PEMT: variants seen among roughly 807,000 people sequenced by gnomAD.
PEMT encodes phosphatidylethanolamine N-methyltransferase.
A neutral mutation model predicts 27.4 loss-of-function variants in PEMT; 23 were observed. The ratio of observed to expected loss-of-function variants is 0.84; its 90% CI spans 0.60 to 1.19. The LOEUF (loss-of-function observed/expected upper bound fraction) is 1.19. Ranked by LOEUF, PEMT falls within the 50% of genes most tolerant of loss-of-function variation. The probability of loss-of-function intolerance (pLI) is 0.00; values close to 1 mark genes in which losing one functional copy is unlikely to be tolerated. For missense variants in PEMT, 307 were observed against 310.1 expected, an observed-to-expected ratio of 0.99 and a Z score of 0.07; for synonymous variants, 137 against 139.1, an observed-to-expected ratio of 0.98 and a Z score of 0.11.
At chr17:17,592,058 G>A, upstream of PEMT, 6 of 985,078 alleles carry the variant, frequency 6.1e-6, no homozygotes, top group Non-Finnish European at 7.2e-6. Context: ...AGCCTCCTGC[G>A]GACTTGGACT....
At chr17:17,516,613 G>A (rs915830735) in intron 3 of PEMT, among the ~76,000 whole-genome samples, 6 of 152,184 alleles carry the variant, frequency 3.9e-5, no homozygotes, top group African/African-American at 1.4e-4. Context: ...ATCCCAGGCT[G>A]ACACCCACTC....
chr17:17,591,492 C>T (rs1054111479), intron 1 of PEMT, 39 bp downstream of exon 1: 4 of 1,527,058 alleles, frequency 2.6e-6, no homozygotes, highest in Non-Finnish European at 3.6e-6. Flanking sequence ...CTTGCAGATC[C>T]CTCTCCCAGT....
intron 3 of PEMT, among the ~76,000 whole-genome samples, chr17:17,515,659 C>T (rs1906770697): frequency 1.3e-5 from 2 of 152,122 alleles, no homozygotes; most frequent in African/African-American, 2.4e-5. Context: ...ATTAGGCAAT[C>T]GACAGTGTTC....
At chr17:17,549,679 A>G (rs1909512516) in intron 2 of PEMT, among the ~76,000 whole-genome samples, 1 of 152,230 alleles carries the variant, frequency 6.6e-6, no homozygotes, top group Non-Finnish European at 1.5e-5. Context: ...AAAACAGCAC[A>G]GGGCAGGCCT....
chr17:17,518,264 G>T, intron 3 of PEMT: 1 of 565,470 alleles, frequency 1.8e-6, no homozygotes, highest in Non-Finnish European at 2.2e-6. Flanking sequence ...GCCCGTTCGA[G>T]CCCTGCCTGG....
intron 1 of PEMT, among the ~76,000 whole-genome samples, chr17:17,583,853 A>T (rs904346764): frequency 6.6e-6 from 1 of 152,206 alleles, no homozygotes; most frequent in African/African-American, 2.4e-5. Context: ...TCATGGCAGG[A>T]GGGGTGGAAG....
At chr17:17,564,505 A>T (rs1264463796) in intron 2 of PEMT, among the ~76,000 whole-genome samples, 1 of 152,114 alleles carries the variant, frequency 6.6e-6, no homozygotes, top group Non-Finnish European at 1.5e-5. Flanking sequence ...CCAAGTTTAC[A>T]CAGCAGGGCG....
In PEMT at chr17:17,582,393, A is replaced by C. The variant is rs1912023894; in HGVS notation, c.97-5366T>G. On this transcript the variant is annotated intron_variant, in intron 1 of 6. Transcript: ENST00000255389. This position sits in a 1 kb window ranked among gnomAD's most constrained non-coding sequence, Gnocchi z 4.9. ...GGCTTTATGGTAATTTACTCCATTG[A>C]GGGGTGCAGGGTTCTCGGGAGCAGC... The C allele has an allele frequency of 1.0e-6, 1 of 985,332 alleles. No homozygotes were observed. The highest frequency in any genetic ancestry group is 6.1e-5 in the Admixed American group (1 of 16,276). 61.0% of individuals were successfully genotyped at this position (985,332 alleles called of 1,614,324 possible).
At chr17:17,562,639 T>C (rs1173384620) in intron 2 of PEMT, among the ~76,000 whole-genome samples, 2 of 152,030 alleles carry the variant, frequency 1.3e-5, no homozygotes, top group African/African-American at 2.4e-5. Flanking sequence ...TGAAACCTTG[T>C]CTCTACTAAA....
chr17:17,572,961 G>A (rs1445066443), intron 2 of PEMT, among the ~76,000 whole-genome samples: 1 of 151,938 alleles, frequency 6.6e-6, no homozygotes, highest in Non-Finnish European at 1.5e-5. Context: ...GGCCAACGCG[G>A]GCAGATCACC....
intron 2 of PEMT, among the ~76,000 whole-genome samples, chr17:17,564,585 G>C (rs1257484737): frequency 6.6e-6 from 1 of 152,072 alleles, no homozygotes; most frequent in African/African-American, 2.4e-5. Context: ...AGCAACATCC[G>C]GCCAGCTCAC....
chr17:17,540,089 A>G (rs978581459), intron 2 of PEMT, among the ~76,000 whole-genome samples: 3 of 152,144 alleles, frequency 2.0e-5, no homozygotes, highest in African/African-American at 7.2e-5. Flanking sequence ...CCTGGAAGCA[A>G]CGCCCCAAGG....
intron 2 of PEMT, among the ~76,000 whole-genome samples, chr17:17,546,849 G>T (rs995828124): frequency 2.0e-5 from 3 of 152,262 alleles, no homozygotes; most frequent in Non-Finnish European, 4.4e-5. Context: ...CTTCACAGCT[G>T]CAGTCAAAGC....
chr17:17,586,234 AAGAAAG>A (rs1912261513), intron 1 of PEMT, among the ~76,000 whole-genome samples: 1 of 93,804 alleles, frequency 1.1e-5, no homozygotes, highest in Non-Finnish European at 2.0e-5. Context: ...GAAAGAAAGA[AAGAAAG>A]AAAGAAAGAA....
chr17:17,546,219 CAGG>C (rs1339869215), intron 2 of PEMT, among the ~76,000 whole-genome samples: 2 of 152,222 alleles, frequency 1.3e-5, no homozygotes, highest in East Asian at 1.9e-4. Flanking sequence ...CCATCACTAA[CAGG>C]AGAAGAAAGG....
intron 2 of PEMT, among the ~76,000 whole-genome samples, chr17:17,567,169 C>T (rs1910881520): frequency 6.6e-6 from 1 of 152,338 alleles, no homozygotes; most frequent in African/African-American, 2.4e-5. Flanking sequence ...TGGAAGAGAT[C>T]GGCTCAGTGG....
At chr17:17,591,751 C>T (rs1468548369), upstream of PEMT, 9 of 1,456,358 alleles carry the variant, frequency 6.2e-6, no homozygotes, top group Admixed American at 2.7e-5. Context: ...CAACATATTC[C>T]GGCCTTCTGG....
rs1370169909 is a variant in PEMT, at chr17:17,515,488, GCCTGGGCTGGCT to G, written c.321-2846_321-2835del. ...TTCCTTTCCTTTCTCTGAGATGACAGCCTGGGCTGGCTCCTGGCACAATGCTCTGTGGGTCAT... is the reference window on the plus strand; with the variant it reads ...TTCCTTTCCTTTCTCTGAGATGACAGCCTGGCACAATGCTCTGTGGGTCAT... On this transcript the variant is annotated intron_variant, in intron 3 of 6. Transcript: ENST00000255389. 2.0e-5 allele frequency among the ~76,000 whole-genome samples: 3 copies of G among 152,162 alleles called. No individual in the cohort carries two copies. The East Asian group carries it at 5.8e-4, about 29-fold the overall frequency.
At chr17:17,564,129 G>A (rs1910668890) in intron 2 of PEMT, among the ~76,000 whole-genome samples, 1 of 152,200 alleles carries the variant, frequency 6.6e-6, no homozygotes, top group Non-Finnish European at 1.5e-5. Flanking sequence ...CAGGGGGAAG[G>A]AGAAGAGCCA....
Sources: gnomAD v4.1 joint callset for allele counts (sites outside exome capture counted in the v4.1 genomes callset) on GRCh38, gnomAD v4.1.1 for gene constraint, Gnocchi (gnomAD v3.1) non-coding constraint, MANE v1.5 for transcripts, NCBI Gene and HGNC (gene_info 2026-07-23, HGNC 2026-07-21) for gene names.